RANBP2: variants seen among roughly 807,000 people sequenced by gnomAD.
RANBP2 encodes E3 SUMO-protein ligase RanBP2.
Under a neutral mutation model 303.6 loss-of-function variants are expected in RANBP2, and 57 were observed. The ratio of observed to expected loss-of-function variants is 0.19; its 90% confidence interval spans 0.15 to 0.23. The LOEUF is 0.23. RANBP2 is among the 10% of genes least tolerant of loss of function. The pLI is 1.00. For synonymous variants in RANBP2, 1,167 were observed against 1,301.5 expected (o/e 0.90, Z 2.23); for missense variants, 3,138 against 3,780.8 (o/e 0.83, Z 4.46).
At chr2:108,857,515 G>T in the RANBP2 span, among the ~76,000 whole-genome samples, 1 of 152,128 alleles carries the variant, frequency 6.6e-6, no homozygotes, top group Non-Finnish European at 1.5e-5. Context: ...TCTGACTCTA[G>T]ACCTAAGGCT....
chr2:109,624,687 C>T, the RANBP2 span, among the ~76,000 whole-genome samples: 1 of 152,192 alleles, frequency 6.6e-6, no homozygotes, highest in Non-Finnish European at 1.5e-5. Flanking sequence ...CTTGGAAACG[C>T]AGTTGAAGAC....
At chr2:109,419,772 G>T in the RANBP2 span, 16 of 780,542 alleles carry the variant, frequency 2.0e-5, no homozygotes, top group East Asian at 4.3e-4. Flanking sequence ...AGTTATGTGC[G>T]TCTAATAACA....
the RANBP2 span, among the ~76,000 whole-genome samples, chr2:109,048,741 G>C: frequency 6.6e-6 from 1 of 152,116 alleles, no homozygotes; most frequent in African/African-American, 2.4e-5. Flanking sequence ...CCTAAAGTAA[G>C]CCCATACCTT....
At chr2:109,182,729 T>C in the RANBP2 span, among the ~76,000 whole-genome samples, 5 of 152,224 alleles carry the variant, frequency 3.3e-5, no homozygotes, top group Non-Finnish European at 7.3e-5. Context: ...GGTCTACATA[T>C]AAAGTAATTC....
At chr2:109,370,274 C>G in the RANBP2 span, among the ~76,000 whole-genome samples, 19,322 of 150,958 alleles carry the variant, frequency 0.13, 1,398 homozygotes, top group Middle Eastern at 0.24. Context: ...GAGTCTCACT[C>G]TGTCACCCTG....
chr2:109,540,182 A>T, the RANBP2 span, among the ~76,000 whole-genome samples: 1 of 152,290 alleles, frequency 6.6e-6, no homozygotes, highest in Middle Eastern at 3.4e-3. Flanking sequence ...AAAGGTATTA[A>T]GGCTTGCTTT....
chr2:108,820,220 C>A, the RANBP2 span, among the ~76,000 whole-genome samples: 1 of 152,074 alleles, frequency 6.6e-6, no homozygotes, highest in Admixed American at 6.6e-5. Flanking sequence ...CCAGCCTGGT[C>A]AACATGGTGC....
At chr2:109,035,571 G>A in the RANBP2 span, among the ~76,000 whole-genome samples, 2 of 139,932 alleles carry the variant, frequency 1.4e-5, no homozygotes, top group African/African-American at 5.3e-5. Flanking sequence ...CTCTAAGAAA[G>A]GCCTGGTCCC....
chr2:109,596,573 C>T, the RANBP2 span, among the ~76,000 whole-genome samples: 10 of 151,148 alleles, frequency 6.6e-5, no homozygotes, highest in African/African-American at 9.7e-5. Context: ...GCAGAGATCG[C>T]GCCGCTGCAC....
chr2:108,963,471 A>G, the RANBP2 span, among the ~76,000 whole-genome samples: 1 of 152,194 alleles, frequency 6.6e-6, no homozygotes, highest in Admixed American at 6.5e-5. Context: ...GTGCACTTGT[A>G]AGAGATAATA....
the RANBP2 span, among the ~76,000 whole-genome samples, chr2:108,967,292 A>C: frequency 6.6e-6 from 1 of 152,212 alleles, no homozygotes; most frequent in Non-Finnish European, 1.5e-5. Context: ...CATATTTCAC[A>C]GGGAAAAACA....
chr2:108,781,725 A>G (rs917945299), intron 26 of RANBP2, among the ~76,000 whole-genome samples: 2 of 152,086 alleles, frequency 1.3e-5, no homozygotes, highest in African/African-American at 4.8e-5. Flanking sequence ...TTAACCTCAT[A>G]CTCACTAAAG....
chr2:109,024,188 G>T, the RANBP2 span, among the ~76,000 whole-genome samples: 121 of 152,186 alleles, frequency 8.0e-4, no homozygotes, highest in Non-Finnish European at 1.8e-4. Flanking sequence ...GCCTCCCAAC[G>T]TGCTGGGATT....
chr2:108,896,725 C>A, the RANBP2 span: 5 of 634,018 alleles, frequency 7.9e-6, no homozygotes, highest in African/African-American at 1.8e-5. Flanking sequence ...GGCTCTAGTC[C>A]TTTATCTTTG....
the RANBP2 span, among the ~76,000 whole-genome samples, chr2:109,626,772 G>C: frequency 6.6e-6 from 1 of 152,222 alleles, no homozygotes; most frequent in South Asian, 2.1e-4. Context: ...AAGCTGCCTT[G>C]CAGATGAGGA....
the RANBP2 span, among the ~76,000 whole-genome samples, chr2:108,824,054 T>A: frequency 6.6e-6 from 1 of 152,068 alleles, no homozygotes; most frequent in African/African-American, 2.4e-5. Flanking sequence ...GACTAGAAGT[T>A]GCTCTGGGAG....
the RANBP2 span, among the ~76,000 whole-genome samples, chr2:109,071,192 T>C: frequency 6.6e-6 from 1 of 152,150 alleles, no homozygotes; most frequent in Non-Finnish European, 1.5e-5. Context: ...AGAAGAAAAG[T>C]AGGCCTTGCT....
chr2:108,905,648 A>T, the RANBP2 span, among the ~76,000 whole-genome samples: 1 of 152,170 alleles, frequency 6.6e-6, no homozygotes, highest in Non-Finnish European at 1.5e-5. Flanking sequence ...CGAGTCCAGC[A>T]GCAGGAAAAC....
At chr2:109,667,736 C>T in the RANBP2 span, 1 of 172,640 alleles carries the variant, frequency 5.8e-6, no homozygotes, top group Non-Finnish European at 1.3e-5. Context: ...TGTGCGGTGT[C>T]TGTGAGAGTA....
Sources: allele counts gnomAD v4.1 joint callset (sites outside exome capture counted in the v4.1 genomes callset), GRCh38; gene constraint gnomAD v4.1.1; transcripts MANE v1.5; gene names NCBI Gene and HGNC (gene_info 2026-07-23, HGNC 2026-07-21).